The following SHROOM4 variants were observed in gnomAD, a reference collection of about 807,000 sequenced individuals.
SHROOM4 encodes shroom family member 4.
In SHROOM4, 17 loss-of-function variants were observed where a neutral mutation model predicts 80.3. The ratio of observed to expected loss-of-function variants is 0.21; its 90% CI spans 0.14 to 0.32. SHROOM4 has a LOEUF of 0.32. Ranked by LOEUF, SHROOM4 falls within the 10% of genes least tolerant of loss-of-function variation. SHROOM4 has a pLI of 1.00. For synonymous variants in SHROOM4, 400 were observed against 437.5 expected (o/e 0.91, Z 1.07); for missense variants, 993 against 1,140.3 (o/e 0.87, Z 1.86).
chrX:50,800,117 G>A (rs187447015), intron 1 of SHROOM4, among the ~76,000 whole-genome samples: 1 of 112,163 alleles, frequency 8.9e-6, no homozygotes, highest in Non-Finnish European at 1.9e-5. Context: ...TCTGCCTCTA[G>A]TTCCCATGTG....
chrX:50,748,440 T>G (rs1374744921), intron 1 of SHROOM4, among the ~76,000 whole-genome samples: 2 of 111,922 alleles, frequency 1.8e-5, no homozygotes, highest in African/African-American at 6.5e-5. Context: ...TTCCAAAGGC[T>G]AGGACCTAGA....
chrX:50,642,372 C>T (rs954394458), intron 2 of SHROOM4, among the ~76,000 whole-genome samples: 3 of 112,463 alleles, frequency 2.7e-5, no homozygotes, highest in African/African-American at 9.7e-5. Context: ...TTATTGAACA[C>T]TGAAGATGTG....
At chrX:50,696,098 G>A (rs1933361703) in intron 1 of SHROOM4, among the ~76,000 whole-genome samples, 161 bp from the exon 2 acceptor site, 1 of 111,780 alleles carries the variant, frequency 8.9e-6, no homozygotes, top group South Asian at 3.8e-4. Context: ...ATTATTTACT[G>A]AAGGCAAAGC....
In SHROOM4 at chrX:50,638,155, G is replaced by A. The variant is rs1056205611; in HGVS notation, c.404+19C>T. ...TGTCTACCCTCCAGCCTGTCTTGAG[G>A]GGAGGGCTCTAGACTCACCTTGTGT... On this transcript the variant is annotated intron_variant, in intron 3 of 8. Coordinates refer to ENST00000376020, the MANE Select transcript of SHROOM4 (RefSeq NM_020717.5). 7 of 1,200,629 alleles carry A rather than the reference G, an allele frequency of 5.8e-6. No individual in the cohort carries two copies. The highest frequency in any genetic ancestry group is 4.5e-5 in the Admixed American group (2 of 44,761).
At chrX:50,801,270 G>GAGAGAGAGAGAC (rs1557272569) in intron 1 of SHROOM4, among the ~76,000 whole-genome samples, 1 of 104,601 alleles carries the variant, frequency 9.6e-6, no homozygotes, top group Non-Finnish European at 2.0e-5. Context: ...AGGAGAGAGA[G>GAGAGAGAGAGAC]AGAGAGAGAG....
chrX:50,678,024 G>A (rs917753700), intron 2 of SHROOM4, among the ~76,000 whole-genome samples: 2 of 111,707 alleles, frequency 1.8e-5, no homozygotes, highest in African/African-American at 3.2e-5. Flanking sequence ...CCAAATTAGC[G>A]TAGGAAAAAG....
intron 4 of SHROOM4, among the ~76,000 whole-genome samples, chrX:50,630,045 T>C (rs1930982066): frequency 9.0e-6 from 1 of 111,078 alleles, no homozygotes; most frequent in African/African-American, 3.3e-5. Flanking sequence ...TTAGCTGGTC[T>C]AACAAGCATT....
chrX:50,780,575 A>T (rs911942237), intron 1 of SHROOM4, among the ~76,000 whole-genome samples: 2 of 111,757 alleles, frequency 1.8e-5, no homozygotes, highest in Non-Finnish European at 3.8e-5. Flanking sequence ...GCACAAAAGC[A>T]CTATATGGGT....
chrX:50,604,088 A>T (rs1334940778), intron 6 of SHROOM4, among the ~76,000 whole-genome samples: 2 of 111,934 alleles, frequency 1.8e-5, no homozygotes, highest in Admixed American at 9.5e-5. Context: ...CTATTTACTG[A>T]TTCATGCTAT....
At chrX:50,672,831 T>A (rs1932811531) in intron 2 of SHROOM4, among the ~76,000 whole-genome samples, 1 of 112,056 alleles carries the variant, frequency 8.9e-6, no homozygotes, top group Admixed American at 9.4e-5. Context: ...ATAATTTGAA[T>A]GACATCATAT....
At chrX:50,602,609 C>G (rs781966231) in intron 7 of SHROOM4, 24 bp downstream of exon 7, 3 of 1,206,599 alleles carry the variant, frequency 2.5e-6, no homozygotes, top group East Asian at 5.9e-5. Context: ...CTGAAAATCT[C>G]TAGGACACAT....
At chrX:50,736,981 A>G (rs782531942) in intron 1 of SHROOM4, among the ~76,000 whole-genome samples, 45 of 112,483 alleles carry the variant, frequency 4.0e-4, no homozygotes, top group Non-Finnish European at 8.3e-4. Context: ...ATTCTGTAGA[A>G]TGAAATATGT....
chrX:50,686,104 A>T (rs1037304574), intron 2 of SHROOM4, among the ~76,000 whole-genome samples: 12 of 108,768 alleles, frequency 1.1e-4, no homozygotes, highest in Admixed American at 4.9e-4. Flanking sequence ...ATCTCGGCTC[A>T]CTGCAAGCTC....
Position 50,596,559 on chromosome X carries a change from A to T in SHROOM4, c.*136T>A. 1 of 842,705 alleles carries T rather than the reference A, an allele frequency of 1.2e-6. No individual in the cohort carries two copies. Among genetic ancestry groups the T allele is most frequent in the Non-Finnish European group, 1.7e-6 (1 of 585,263 alleles). 69.4% of individuals were successfully genotyped at this position (842,705 alleles called of 1,213,427 possible). ...TTAGGACCACTGCTAGGGAAGGGGT[A>T]GTGAGAGACATCCAGGGTAGAGGGC... is the stretch of plus-strand genomic sequence containing the variant. On this transcript the variant is annotated 3_prime_UTR_variant, in exon 9 of 9. Coordinates refer to ENST00000376020, the MANE Select transcript of SHROOM4 (RefSeq NM_020717.5).
chrX:50,651,959 T>C (rs12007124), intron 2 of SHROOM4, among the ~76,000 whole-genome samples: 13,264 of 111,294 alleles, frequency 0.12, 1,103 homozygotes, highest in African/African-American at 0.29. Context: ...ATATGTGCCA[T>C]ATTTTCTTTA....
intron 1 of SHROOM4, among the ~76,000 whole-genome samples, chrX:50,796,606 A>G (rs781910209): frequency 5.4e-5 from 6 of 111,822 alleles, no homozygotes; most frequent in African/African-American, 1.9e-4. Flanking sequence ...ATAGAAAGGG[A>G]AACTAAAATT....
At chrX:50,797,000 G>T (rs1936028851) in intron 1 of SHROOM4, among the ~76,000 whole-genome samples, 1 of 97,878 alleles carries the variant, frequency 1.0e-5, no homozygotes, top group Admixed American at 1.2e-4. Flanking sequence ...GGAGTTATGA[G>T]ATCTCATCGT....
At chrX:50,735,653 A>C (rs1349208306) in intron 1 of SHROOM4, among the ~76,000 whole-genome samples, 1 of 111,657 alleles carries the variant, frequency 9.0e-6, no homozygotes, top group Non-Finnish European at 1.9e-5. Context: ...AAAACAGACA[A>C]AGGATATGAG....
chrX:50,720,346 C>G (rs1270476951), intron 1 of SHROOM4, among the ~76,000 whole-genome samples: 1 of 111,639 alleles, frequency 9.0e-6, no homozygotes, highest in African/African-American at 3.3e-5. Context: ...GGCAGGTGAA[C>G]CCCAAGAAGA....
Sources: allele counts gnomAD v4.1 joint callset (sites outside exome capture counted in the v4.1 genomes callset), GRCh38; gene constraint gnomAD v4.1.1; transcripts MANE v1.5; gene names NCBI Gene and HGNC (gene_info 2026-07-23, HGNC 2026-07-21).